Variants in PCDHGA7 observed in about 807,000 individuals in gnomAD.
PCDHGA7 encodes protocadherin gamma subfamily A, 7, also known as protocadherin gamma-A7.
In PCDHGA7, 44 loss-of-function variants were observed where a neutral mutation model predicts 58.3. The ratio of observed to expected loss-of-function variants is 0.75; its 90% CI spans 0.59 to 0.97. PCDHGA7 has a LOEUF of 0.97. Among genes scored for constraint, PCDHGA7 ranks in the 50% least tolerant of loss-of-function variants. PCDHGA7 has a pLI of 0.00. For missense variants in PCDHGA7, 1,266 were observed against 1,188.7 expected, an observed-to-expected ratio of 1.06 and a Z score of -0.96; for synonymous variants, 516 against 504.2, an observed-to-expected ratio of 1.02 and a Z score of -0.31.
intron 1 of PCDHGA7, chr5:141,410,481 G>C: frequency 6.2e-7 from 1 of 1,613,966 alleles, no homozygotes; most frequent in Non-Finnish European, 8.5e-7. Flanking sequence ...GCACATACGG[G>C]TACAAAAGAG....
At position 141,383,684 on chromosome 5, in the gene PCDHGA7, T is replaced by A; in HGVS notation, c.785T>A (p.Leu262His). ...AATGTGCCAGTGGGTACAAGACTGC[T>A]CACGGTACATGCTATCGACCTGGAC... ...PENVPVGTRL[L>H]TVHAIDLDEG... Residue 262 changes from leucine (L) to histidine (H), a missense_variant, in exon 1 of 4, where the codon CTC becomes CAC. Coordinates refer to ENST00000518325, the MANE Select transcript of PCDHGA7 (RefSeq NM_018920.4). The A allele has an allele frequency of 4.3e-6, 7 of 1,614,014 alleles. No homozygotes were observed. The highest frequency in any genetic ancestry group is 5.9e-6 in the Non-Finnish European group (7 of 1,179,886).
At chr5:141,453,014 G>A (rs2098753820) in intron 1 of PCDHGA7, among the ~76,000 whole-genome samples, 1 of 152,206 alleles carries the variant, frequency 6.6e-6, no homozygotes, top group Non-Finnish European at 1.5e-5. Flanking sequence ...GTATAGTTAT[G>A]TGATTCATTA....
rs767515334 is a variant in PCDHGA7, at chr5:141,403,753, C to A, written c.2424+18430C>A. ...CCTGGCTGCTTACTGCAACAGCCAG[C>A]GACCTGGATGAGGGAATCAACGGAA... is the stretch of plus-strand genomic sequence containing the variant. On this transcript the variant is annotated intron_variant, in intron 1 of 3. Transcript: ENST00000518325. The A allele has an allele frequency of 1.9e-6, 3 of 1,613,502 alleles. No individual in the cohort carries two copies. The Admixed American group carries it at 5.0e-5, about 27-fold the overall frequency.
At chr5:141,433,849 A>AC (rs1304649814) in intron 1 of PCDHGA7, among the ~76,000 whole-genome samples, 10 of 152,030 alleles carry the variant, frequency 6.6e-5, no homozygotes, top group Admixed American at 1.3e-4. Flanking sequence ...AAAAAAAAAA[A>AC]AAAAAACTTT....
intron 1 of PCDHGA7, among the ~76,000 whole-genome samples, chr5:141,464,151 G>A (rs2099076865): frequency 6.6e-6 from 1 of 151,818 alleles, no homozygotes; most frequent in Non-Finnish European, 1.5e-5. Flanking sequence ...TGTAGTCCCA[G>A]CTACTTGGAA....
chr5:141,413,838 G>A, intron 1 of PCDHGA7: 1 of 1,613,284 alleles, frequency 6.2e-7, no homozygotes, highest in Non-Finnish European at 8.5e-7. Context: ...CCTCCGACGG[G>A]GGTGACCCTC....
chr5:141,405,840 A>ATATCAGTGT (rs2094725824), intron 1 of PCDHGA7, among the ~76,000 whole-genome samples: 1 of 152,188 alleles, frequency 6.6e-6, no homozygotes, highest in Non-Finnish European at 1.5e-5. Context: ...GTATAAGTTG[A>ATATCAGTGT]TATCAGTGTG....
chr5:141,403,248 G>A lies in PCDHGA7; in HGVS notation c.2424+17925G>A, dbSNP rs778873368. 3.1e-6 allele frequency: 5 copies of A among 1,613,928 alleles called. No homozygotes were observed. The Admixed American group carries it at 6.7e-5, about 22-fold the overall frequency. On this transcript the variant is annotated intron_variant, in intron 1 of 3. Transcript: ENST00000518325. ...GACCGGGAGGAGCTCTGTGCTCAGA[G>A]CCCGCGGTGTCTGGTGAACTTTAAA...
chr5:141,490,279 G>A lies in PCDHGA7; in HGVS notation c.2425-4528G>A, dbSNP rs1344083401. The A allele has an allele frequency of 5.6e-6, 9 of 1,614,228 alleles. No individual in the cohort carries two copies. In the East Asian group the frequency reaches 1.8e-4, roughly 32 times the overall value. On this transcript the variant is annotated intron_variant, in intron 1 of 3. Coordinates refer to ENST00000518325, the MANE Select transcript of PCDHGA7 (RefSeq NM_018920.4). This position sits in a 1 kb window ranked among gnomAD's most constrained non-coding sequence, Gnocchi z 5.4. ...GGATGTGGGGGATGTCAATGACAAT[G>A]CCCCAGAGGTGCTATTGGCCTCTTT...
In PCDHGA7 at chr5:141,423,390, T is replaced by C. The variant is rs751337994; in HGVS notation, c.2424+38067T>C. ...TGGCACTCAGGCTGTGGCGCTGGCATAAGTCACGCCTGCTGCAGGCTTCTG... is the reference window on the plus strand; with the variant it reads ...TGGCACTCAGGCTGTGGCGCTGGCACAAGTCACGCCTGCTGCAGGCTTCTG... On this transcript the variant is annotated intron_variant, in intron 1 of 3. Coordinates refer to ENST00000518325, the MANE Select transcript of PCDHGA7 (RefSeq NM_018920.4). 2.5e-6 allele frequency: 4 copies of C among 1,614,144 alleles called. No homozygotes were observed. In the South Asian group the frequency reaches 3.3e-5, roughly 13 times the overall value.
chr5:141,419,217 G>A (rs1407588828), intron 1 of PCDHGA7: 1 of 1,613,936 alleles, frequency 6.2e-7, no homozygotes, highest in Admixed American at 1.7e-5. Context: ...CCGGTTTTCG[G>A]ACAGTCAGCC....
At position 141,486,426 on chromosome 5, in the gene PCDHGA7, A is replaced by T; in HGVS notation, c.2425-8381A>T. 6.2e-7 allele frequency: 1 copy of T among 1,614,190 alleles called. No homozygotes were observed. The highest frequency in any genetic ancestry group is 8.5e-7 in the Non-Finnish European group (1 of 1,180,026). ...GCTGGACCCTTGGATCGAGAGGCCA[A>T]ATCTAGCTATGACATCATGGTCACT... On this transcript the variant is annotated intron_variant, in intron 1 of 3. Coordinates refer to ENST00000518325, the MANE Select transcript of PCDHGA7 (RefSeq NM_018920.4). This position sits in a 1 kb window ranked among gnomAD's most constrained non-coding sequence, Gnocchi z 5.0.
chr5:141,413,839 G>T (rs971599906), intron 1 of PCDHGA7: 1 of 1,613,310 alleles, frequency 6.2e-7, no homozygotes, highest in African/African-American at 1.3e-5. Flanking sequence ...CTCCGACGGG[G>T]GTGACCCTCT....
Position 141,431,948 on chromosome 5 carries a change from T to G in PCDHGA7, c.2424+46625T>G. ...AAATCTGCCCTTTAAATTAGAAAAA[T>G]CTTACGGAAATTACTATAGTTTAGT... is the stretch of plus-strand genomic sequence containing the variant. On this transcript the variant is annotated intron_variant, in intron 1 of 3. Transcript: ENST00000518325. The surrounding 1 kb of genome is among the most constrained non-coding windows in gnomAD (Gnocchi z 4.8). The G allele has an allele frequency of 6.2e-7, 1 of 1,614,076 alleles. No homozygotes were observed. The highest frequency in any genetic ancestry group is 8.5e-7 in the Non-Finnish European group (1 of 1,180,006).
chr5:141,464,515 A>C (rs969421973), intron 1 of PCDHGA7, among the ~76,000 whole-genome samples: 4 of 152,028 alleles, frequency 2.6e-5, no homozygotes, highest in Non-Finnish European at 4.4e-5. Flanking sequence ...CATAAGGTAA[A>C]GGCATATGTA....
intron 1 of PCDHGA7, chr5:141,421,633 G>C (rs1369645749): frequency 1.9e-6 from 3 of 1,613,716 alleles, no homozygotes; most frequent in Non-Finnish European, 2.5e-6. Context: ...CAGCTTCCAG[G>C]AGGACGAAGT....
intron 1 of PCDHGA7, chr5:141,395,091 A>ACCG (rs771313907): frequency 6.2e-7 from 1 of 1,614,118 alleles, no homozygotes; most frequent in South Asian, 1.1e-5. Context: ...AGTCTCCCTC[A>ACCG]CCGCCGACTC....
At position 141,491,825 on chromosome 5, in the gene PCDHGA7, C is replaced by A. The variant is rs948385010; in HGVS notation, c.2425-2982C>A. ...CGGCTTGGTCGCTGGCTGCGCTCCA[C>A]CCGATTCTCGGGATCATTGGACCGT... On this transcript the variant is annotated intron_variant, in intron 1 of 3. Coordinates refer to ENST00000518325, the MANE Select transcript of PCDHGA7 (RefSeq NM_018920.4). This position sits in a 1 kb window ranked among gnomAD's most constrained non-coding sequence, Gnocchi z 6.9. 145 of 1,478,052 alleles carry A rather than the reference C, an allele frequency of 9.8e-5. No homozygotes were observed. Among genetic ancestry groups the A allele is most frequent in the Non-Finnish European group, 1.3e-4 (142 of 1,114,822 alleles). 91.6% of individuals were successfully genotyped at this position (1,478,052 alleles called of 1,614,324 possible). A position where few individuals can be genotyped will look rare whatever the true frequency, so the allele number is the denominator to read the frequency against.
At chr5:141,459,863 G>A (rs182099511) in intron 1 of PCDHGA7, among the ~76,000 whole-genome samples, 2 of 152,242 alleles carry the variant, frequency 1.3e-5, no homozygotes, top group East Asian at 1.9e-4. Context: ...TGAAGCATTC[G>A]TTCATCTTTA....
Sources: gnomAD v4.1 joint callset for allele counts (sites outside exome capture counted in the v4.1 genomes callset) on GRCh38, gnomAD v4.1.1 for gene constraint, Gnocchi (gnomAD v3.1) non-coding constraint, MANE v1.5 for transcripts, NCBI Gene and HGNC (gene_info 2026-07-23, HGNC 2026-07-21) for gene names.